Variants in PIK3C2G observed in about 807,000 individuals in gnomAD.
The protein encoded by PIK3C2G is phosphatidylinositol-4-phosphate 3-kinase catalytic subunit type 2 gamma.
A neutral mutation model predicts 181.1 loss-of-function variants in PIK3C2G; 168 were observed. The observed-to-expected ratio is 0.93, with a 90% CI of 0.82 to 1.05. The LOEUF (loss-of-function observed/expected upper bound fraction) is 1.05. Ranked by LOEUF, PIK3C2G falls within the 50% of genes least tolerant of loss-of-function variation. The probability of loss-of-function intolerance (pLI) is 0.00; values close to 1 mark genes in which losing one functional copy is unlikely to be tolerated. For missense variants in PIK3C2G, 1,869 were observed against 1,732.8 expected, an observed-to-expected ratio of 1.08 and a Z score of -1.40; for synonymous variants, 573 against 592.2, an observed-to-expected ratio of 0.97 and a Z score of 0.47.
At chr12:18,275,321 C>T (rs957705473) in intron 1 of PIK3C2G, among the ~76,000 whole-genome samples, 1 of 152,118 alleles carries the variant, frequency 6.6e-6, no homozygotes, top group African/African-American at 2.4e-5. Context: ...CTCATGTCTT[C>T]ACCTTTCTTC....
At chr12:18,363,247 C>T (rs185152686) in intron 12 of PIK3C2G, among the ~76,000 whole-genome samples, 3 of 152,174 alleles carry the variant, frequency 2.0e-5, no homozygotes, top group South Asian at 2.1e-4. Flanking sequence ...CTCCTGATAA[C>T]GTGGGTAATC....
intron 20 of PIK3C2G, among the ~76,000 whole-genome samples, chr12:18,494,836 A>G (rs189842430): frequency 1.2e-3 from 176 of 152,226 alleles, no homozygotes; most frequent in African/African-American, 4.1e-3. Flanking sequence ...TAAAACATCT[A>G]TTTTTGTTTC....
At chr12:18,509,038 A>G (rs913345116) in intron 24 of PIK3C2G, among the ~76,000 whole-genome samples, 3 of 151,934 alleles carry the variant, frequency 2.0e-5, no homozygotes, top group Non-Finnish European at 4.4e-5. Flanking sequence ...TATTATTATT[A>G]TTGCTTTTTT....
chr12:18,351,066 A>G (rs2137698171), intron 11 of PIK3C2G, among the ~76,000 whole-genome samples: 1 of 152,272 alleles, frequency 6.6e-6, no homozygotes, highest in South Asian at 2.1e-4. Flanking sequence ...CAAATATTAA[A>G]TAGTAGGCAA....
intron 16 of PIK3C2G, among the ~76,000 whole-genome samples, chr12:18,402,007 C>T (rs528978980): frequency 6.6e-6 from 1 of 152,228 alleles, no homozygotes; most frequent in Non-Finnish European, 1.5e-5. Context: ...TATGACCCAA[C>T]AATCTTACTA....
At chr12:18,409,432 G>T (rs1157766615) in intron 16 of PIK3C2G, among the ~76,000 whole-genome samples, 2 of 152,056 alleles carry the variant, frequency 1.3e-5, no homozygotes, top group African/African-American at 4.8e-5. Flanking sequence ...AGCATTAGGA[G>T]AAATACCTAA....
chr12:18,586,218 C>T (rs1946768013), intron 29 of PIK3C2G, among the ~76,000 whole-genome samples: 1 of 151,960 alleles, frequency 6.6e-6, no homozygotes, highest in Admixed American at 6.6e-5. Flanking sequence ...TATGAAATAA[C>T]CAAAATCAGA....
chr12:18,519,280 T>C (rs1180236165), intron 24 of PIK3C2G, among the ~76,000 whole-genome samples: 1 of 152,194 alleles, frequency 6.6e-6, no homozygotes, highest in Non-Finnish European at 1.5e-5. Context: ...GTCCTTAATA[T>C]CCTTGTTAAT....
At chr12:18,677,317 C>T in the PIK3C2G span, among the ~76,000 whole-genome samples, 13 of 152,198 alleles carry the variant, frequency 8.5e-5, no homozygotes, top group African/African-American at 3.1e-4. Context: ...GCCAGGCACA[C>T]GACATAGGCT....
intron 18 of PIK3C2G, among the ~76,000 whole-genome samples, chr12:18,473,840 C>T (rs1481712365): frequency 6.6e-6 from 1 of 152,066 alleles, no homozygotes; most frequent in Non-Finnish European, 1.5e-5. Flanking sequence ...TCCTTGAAAC[C>T]AGTTTTGTCT....
intron 18 of PIK3C2G, among the ~76,000 whole-genome samples, chr12:18,434,590 G>T (rs1050516348): frequency 6.6e-6 from 1 of 152,084 alleles, no homozygotes; most frequent in African/African-American, 2.4e-5. Context: ...TATTCCGTAG[G>T]CCAGAAGTCA....
intron 31 of PIK3C2G, among the ~76,000 whole-genome samples, chr12:18,617,741 G>A (rs543438184): frequency 1.8e-4 from 27 of 152,240 alleles, no homozygotes; most frequent in African/African-American, 6.0e-4. Context: ...ATCTTCTTAT[G>A]TACCCAGGAA....
upstream of PIK3C2G, among the ~76,000 whole-genome samples, chr12:18,257,798 GAAAA>G (rs1231089945): frequency 7.1e-6 from 1 of 140,424 alleles, no homozygotes; most frequent in Non-Finnish European, 1.6e-5. Flanking sequence ...GAGAAAGAAA[GAAAA>G]GAAAGAAAGA....
At chr12:18,400,032 G>A (rs968862297) in intron 16 of PIK3C2G, among the ~76,000 whole-genome samples, 185 bp downstream of exon 16, 1 of 152,114 alleles carries the variant, frequency 6.6e-6, no homozygotes, top group African/African-American at 2.4e-5. Context: ...CTATAATCAT[G>A]TCTGCTGCCC....
intron 11 of PIK3C2G, chr12:18,359,004 CA>C (rs1940998974): frequency 6.5e-6 from 1 of 154,206 alleles, no homozygotes; most frequent in Admixed American, 6.5e-5. Flanking sequence ...GGCGAGTGAG[CA>C]AGCTGAACAG....
At chr12:18,278,013 C>G (rs374877611) in intron 1 of PIK3C2G, among the ~76,000 whole-genome samples, 1 of 152,072 alleles carries the variant, frequency 6.6e-6, no homozygotes, top group African/African-American at 2.4e-5. Flanking sequence ...TAATAGAGAG[C>G]TTTTTTGTGT....
intron 11 of PIK3C2G, among the ~76,000 whole-genome samples, chr12:18,350,431 A>G (rs1445543534): frequency 6.6e-6 from 1 of 152,162 alleles, no homozygotes; most frequent in Non-Finnish European, 1.5e-5. Context: ...TATCTGTGCA[A>G]AAAATGATTT....
the PIK3C2G span, among the ~76,000 whole-genome samples, chr12:18,722,601 T>A: frequency 6.6e-6 from 1 of 152,078 alleles, no homozygotes; most frequent in African/African-American, 2.4e-5. Context: ...TGGTACCATA[T>A]ATGATTATTT....
At chr12:18,711,707 A>G in the PIK3C2G span, among the ~76,000 whole-genome samples, 1 of 152,016 alleles carries the variant, frequency 6.6e-6, no homozygotes, top group Non-Finnish European at 1.5e-5. Flanking sequence ...GAGCAGGACT[A>G]GAGAAATATC....
Sources: gnomAD v4.1 joint callset for allele counts (sites outside exome capture counted in the v4.1 genomes callset) on GRCh38, gnomAD v4.1.1 for gene constraint, MANE v1.5 for transcripts, NCBI Gene and HGNC (gene_info 2026-07-23, HGNC 2026-07-21) for gene names.